The following EYS variants were observed in gnomAD, a reference collection of about 807,000 sequenced individuals.
The protein encoded by EYS is EGF-like photoreceptor maintenance factor.
EYS carries 250 observed loss-of-function variants against 282.1 expected under a neutral mutation model. The observed-to-expected ratio is 0.89, with a 90% confidence interval of 0.80 to 0.98. The LOEUF is 0.98. Ranked by LOEUF, EYS falls within the 50% of genes least tolerant of loss-of-function variation. The probability of loss-of-function intolerance (pLI) is 0.00; values close to 1 mark genes in which losing one functional copy is unlikely to be tolerated. For missense variants in EYS, 4,016 were observed against 3,709.0 expected (o/e 1.08, Z -2.15); for synonymous variants, 1,355 against 1,282.9 (o/e 1.06, Z -1.20).
chr6:65,295,591 C>T (rs1335072076), intron 12 of EYS, among the ~76,000 whole-genome samples: 1 of 152,010 alleles, frequency 6.6e-6, no homozygotes, highest in Admixed American at 6.6e-5. Context: ...TCCCTTCAGA[C>T]CTTTGACATA....
At chr6:65,655,621 G>T (rs1471496449) in intron 1 of EYS, among the ~76,000 whole-genome samples, 1 of 151,562 alleles carries the variant, frequency 6.6e-6, no homozygotes, top group Non-Finnish European at 1.5e-5. Context: ...GGCCTACTTT[G>T]TTTTATTGTG....
At chr6:65,545,800 A>G (rs1423773661) in intron 2 of EYS, among the ~76,000 whole-genome samples, 3 of 152,184 alleles carry the variant, frequency 2.0e-5, no homozygotes, top group Non-Finnish European at 4.4e-5. Flanking sequence ...AAGACCAATT[A>G]TTTCATGACT....
intron 12 of EYS, among the ~76,000 whole-genome samples, chr6:65,182,878 T>G (rs1765426000): frequency 6.6e-6 from 1 of 151,964 alleles, no homozygotes; most frequent in Non-Finnish European, 1.5e-5. Flanking sequence ...ATCCTTGACC[T>G]CTCTGGCTCA....
At chr6:64,995,429 T>C (rs889688062) in intron 14 of EYS, among the ~76,000 whole-genome samples, 1 of 151,552 alleles carries the variant, frequency 6.6e-6, no homozygotes, top group Admixed American at 6.6e-5. Context: ...TTTTTCTGAG[T>C]TCTTCTTATA....
chr6:65,101,810 C>T (rs189464443), intron 12 of EYS, among the ~76,000 whole-genome samples: 75 of 151,272 alleles, frequency 5.0e-4, no homozygotes, highest in African/African-American at 1.7e-3. Flanking sequence ...TTATGGTCAG[C>T]TTTTCATTTA....
chr6:64,475,863 T>A (rs1277694023), intron 26 of EYS, among the ~76,000 whole-genome samples: 1 of 152,190 alleles, frequency 6.6e-6, no homozygotes, highest in African/African-American at 2.4e-5. Context: ...CATAGCTCAC[T>A]GTAACCTCAA....
intron 13 of EYS, among the ~76,000 whole-genome samples, chr6:65,028,340 C>A (rs1772486395): frequency 6.6e-6 from 1 of 151,600 alleles, no homozygotes; most frequent in South Asian, 2.1e-4. Flanking sequence ...TTATCTATAT[C>A]ATATATAATT....
intron 31 of EYS, among the ~76,000 whole-genome samples, chr6:64,194,715 T>C (rs1021896854): frequency 1.4e-4 from 21 of 152,166 alleles, no homozygotes; most frequent in South Asian, 4.1e-4. Context: ...TCTATGGTGG[T>C]TGGGGTCAGT....
chr6:64,761,045 CA>C (rs1317129809), intron 22 of EYS, among the ~76,000 whole-genome samples: 1 of 152,154 alleles, frequency 6.6e-6, no homozygotes, highest in Non-Finnish European at 1.5e-5. Context: ...TTTTCTGTCA[CA>C]TTTTTCTACC....
intron 23 of EYS, among the ~76,000 whole-genome samples, chr6:64,621,724 C>T (rs761497200): frequency 1.8e-4 from 27 of 152,170 alleles, no homozygotes; most frequent in Non-Finnish European, 3.1e-4. Context: ...ATGAACAATA[C>T]TACTTTAAGG....
chr6:63,982,442 C>A (rs1193230530), intron 35 of EYS, among the ~76,000 whole-genome samples: 1 of 151,766 alleles, frequency 6.6e-6, no homozygotes, highest in Non-Finnish European at 1.5e-5. Context: ...AAATTCAATT[C>A]TTTGCAGTTG....
At chr6:64,822,201 T>C (rs1315603773) in intron 20 of EYS, among the ~76,000 whole-genome samples, 6 of 152,022 alleles carry the variant, frequency 3.9e-5, no homozygotes, top group African/African-American at 1.4e-4. Flanking sequence ...CAATATTTTA[T>C]CCATGATCAG....
intron 23 of EYS, among the ~76,000 whole-genome samples, chr6:64,619,807 G>A (rs569070171): frequency 4.6e-4 from 70 of 151,970 alleles, no homozygotes; most frequent in African/African-American, 1.7e-3. Context: ...CCGGAGTACA[G>A]GATTACATTT....
intron 5 of EYS, among the ~76,000 whole-genome samples, chr6:65,429,380 C>A (rs956630567): frequency 1.3e-5 from 2 of 152,012 alleles, no homozygotes; most frequent in Non-Finnish European, 2.9e-5. Context: ...AAAATTGAAA[C>A]CAAAACAAAA....
In EYS at chr6:64,590,341, A is replaced by G; in HGVS notation, c.5526T>C (p.Leu1842=). The change falls in exon 26 of 43, where the codon CTT becomes CTC. Residue 1842 remains leucine, a synonymous_variant. Coordinates refer to ENST00000503581, the MANE Select transcript of EYS (RefSeq NM_001142800.2). ...KTSSEWSKWE[L]QPSVQYQEFP... ...ATTCCTGATATTGCACACTAGGCTGAAGTTCCCATTTGGACCATTCTGAAG... is the reference window on the plus strand; with the variant it reads ...ATTCCTGATATTGCACACTAGGCTGGAGTTCCCATTTGGACCATTCTGAAG... The G allele has an allele frequency of 6.4e-7, 1 of 1,551,320 alleles. No homozygotes were observed. Among genetic ancestry groups the G allele is most frequent in the Non-Finnish European group, 8.7e-7 (1 of 1,146,688 alleles).
intron 15 of EYS, among the ~76,000 whole-genome samples, chr6:64,930,930 T>C (rs1386578443): frequency 1.3e-5 from 2 of 152,112 alleles, no homozygotes; most frequent in Non-Finnish European, 2.9e-5. Flanking sequence ...TGACTCTGCT[T>C]TGGGGGAAGA....
chr6:64,008,295 C>A (rs1350306992), intron 33 of EYS, among the ~76,000 whole-genome samples: 1 of 152,080 alleles, frequency 6.6e-6, no homozygotes, highest in Admixed American at 6.5e-5. Context: ...AGAATAGCTA[C>A]CCCTGCTGTT....
intron 12 of EYS, among the ~76,000 whole-genome samples, chr6:65,222,881 T>C (rs1259082689): frequency 6.6e-6 from 1 of 152,074 alleles, no homozygotes; most frequent in African/African-American, 2.4e-5. Context: ...AACGGTCAGT[T>C]TGTCTGGATA....
chr6:63,941,510 C>T (rs912232433), intron 35 of EYS, among the ~76,000 whole-genome samples: 7 of 152,094 alleles, frequency 4.6e-5, no homozygotes, highest in South Asian at 2.1e-4. Context: ...TCATATCCTT[C>T]GTCCACTTTT....
Sources: allele counts gnomAD v4.1 joint callset (sites outside exome capture counted in the v4.1 genomes callset), GRCh38; gene constraint gnomAD v4.1.1; transcripts MANE v1.5; gene names NCBI Gene and HGNC (gene_info 2026-07-23, HGNC 2026-07-21).